The following NAV2 variants were observed in gnomAD, a reference collection of about 807,000 sequenced individuals.
NAV2 encodes helicase, APC down-regulated 1.
A neutral mutation model predicts 223.2 loss-of-function variants in NAV2; 54 were observed. The ratio of observed to expected loss-of-function variants is 0.24; its 90% CI spans 0.19 to 0.30. NAV2 has a LOEUF of 0.30. Ranked by LOEUF, NAV2 falls within the 10% of genes least tolerant of loss-of-function variation. The probability of loss-of-function intolerance (pLI) is 1.00; values close to 1 mark genes in which losing one functional copy is unlikely to be tolerated. For missense variants in NAV2, 2,806 were observed against 3,147.5 expected, an observed-to-expected ratio of 0.89 and a Z score of 2.60; for synonymous variants, 1,279 against 1,239.3, an observed-to-expected ratio of 1.03 and a Z score of -0.67.
chr11:19,483,593 G>A lies in NAV2; in HGVS notation c.75+132566G>A, dbSNP rs990645521. ...GATATGCTGAGGTTGCTAAGAAGGA[G>A]GAAATTGTGAAGAAGGAAAAAAATG... On this transcript the variant is annotated intron_variant, in intron 1 of 37. Coordinates refer to the NAV2 transcript ENST00000360655. Among the ~76,000 whole-genome samples the A allele has an allele frequency of 2.0e-5, 3 of 152,288 alleles. No individual in the cohort carries two copies. The South Asian group carries it at 6.2e-4, about 32-fold the overall frequency.
chr11:19,517,056 A>AT (rs926774657), intron 1 of NAV2, among the ~76,000 whole-genome samples: 5 of 152,050 alleles, frequency 3.3e-5, no homozygotes, highest in Non-Finnish European at 5.9e-5. Flanking sequence ...CAAAAAAAAA[A>AT]AATAATAATA....
chr11:19,368,432 C>T lies in NAV2; in HGVS notation c.75+17405C>T, dbSNP rs751862953. 2.0e-5 allele frequency among the ~76,000 whole-genome samples: 3 copies of T among 152,224 alleles called. No individual in the cohort carries two copies. The South Asian group carries it at 6.2e-4, about 32-fold the overall frequency. On this transcript the variant is annotated intron_variant, in intron 1 of 37. Transcript: ENST00000360655. Reference sequence around the variant, plus strand: ...AAGGGGCCAAGCTTCTTCCCATCTACTGCAGCAGGACTGTATAAGAAGAAA... The same window carrying T: ...AAGGGGCCAAGCTTCTTCCCATCTATTGCAGCAGGACTGTATAAGAAGAAA...
chr11:19,459,535 G>A (rs538562859), intron 1 of NAV2, among the ~76,000 whole-genome samples: 88 of 152,330 alleles, frequency 5.8e-4, no homozygotes, highest in Middle Eastern at 3.4e-3. Flanking sequence ...GGTAGAATGA[G>A]TGGAGGACAG....
At chr11:20,038,041 C>T (rs533228617) in intron 12 of NAV2, among the ~76,000 whole-genome samples, 1 of 152,266 alleles carries the variant, frequency 6.6e-6, no homozygotes, top group East Asian at 1.9e-4. Flanking sequence ...GAAGCTTGCT[C>T]CTGAGATGCA....
chr11:19,893,077 A>T (rs531746440), intron 6 of NAV2, among the ~76,000 whole-genome samples: 1 of 152,224 alleles, frequency 6.6e-6, no homozygotes, highest in East Asian at 1.9e-4. Context: ...TTGGCTACAT[A>T]TAAGGAGTGG....
At position 19,363,688 on chromosome 11, in the gene NAV2, T is replaced by C. The variant is rs531827983; in HGVS notation, c.75+12661T>C. ...GCATCAGAGCCCACAGGTTAAGGGC[T>C]CAGACCCACAAGACCGCCCCAATTT... On this transcript the variant is annotated intron_variant, in intron 1 of 37. Coordinates refer to the NAV2 transcript ENST00000360655. Among the ~76,000 whole-genome samples, 4 of 152,314 alleles carry C rather than the reference T, an allele frequency of 2.6e-5. No individual in the cohort carries two copies. In the South Asian group the frequency reaches 8.3e-4, roughly 32 times the overall value.
At chr11:20,028,388 T>A (rs1005904660) in intron 11 of NAV2, among the ~76,000 whole-genome samples, 46 of 152,194 alleles carry the variant, frequency 3.0e-4, no homozygotes, top group African/African-American at 1.1e-3. Context: ...TCCCTTCACA[T>A]CTGTATTTCT....
At chr11:19,484,223 T>C (rs2042371972) in intron 1 of NAV2, among the ~76,000 whole-genome samples, 1 of 152,108 alleles carries the variant, frequency 6.6e-6, no homozygotes. Flanking sequence ...CCTGGCTCTT[T>C]CTTCTGCACT....
intron 1 of NAV2, among the ~76,000 whole-genome samples, chr11:19,605,480 T>A (rs2046451287): frequency 6.6e-6 from 1 of 150,982 alleles, no homozygotes; most frequent in Non-Finnish European, 1.5e-5. Context: ...AGGAAAATAA[T>A]GGCTTAGTGG....
chr11:20,085,344 G>A (rs780174752), intron 26 of NAV2, among the ~76,000 whole-genome samples: 2 of 152,148 alleles, frequency 1.3e-5, no homozygotes, highest in South Asian at 4.1e-4. Flanking sequence ...ACAACACAAA[G>A]TTCCTACTCA....
At chr11:19,381,658 G>T (rs1848841248) in intron 1 of NAV2, among the ~76,000 whole-genome samples, 1 of 152,210 alleles carries the variant, frequency 6.6e-6, no homozygotes, top group South Asian at 2.1e-4. Context: ...AAGCGAGCTG[G>T]TGTCCTGGGA....
chr11:20,098,315 A>C (rs2061416838), intron 31 of NAV2, among the ~76,000 whole-genome samples: 1 of 152,220 alleles, frequency 6.6e-6, no homozygotes, highest in African/African-American at 2.4e-5. Context: ...CTACATCGTT[A>C]TCCCCATTTG....
intron 1 of NAV2, among the ~76,000 whole-genome samples, chr11:19,384,445 A>G (rs1011067582): frequency 6.6e-6 from 1 of 152,220 alleles, no homozygotes; most frequent in Non-Finnish European, 1.5e-5. Flanking sequence ...TGTGAGAAAC[A>G]AAGACAAATG....
rs755077044 is a variant in NAV2 at position 19,892,513 on chromosome 11, C to T, written c.850C>T (p.Arg284Ter). The change falls in exon 6 of 38, where the codon CGA becomes TGA. Residue 284 changes from arginine to a stop codon, truncating the protein, a stop_gained. Transcript: ENST00000349880. LOFTEE classifies it high-confidence loss of function. ...TRGGSTTANN[R>*]RSQSFNNYDK... Reference sequence around the variant, plus strand: ...CGGAGGGTCAACTACTGCTAACAACCGACGCAGCCAGAGCTTTAACAACTA... The same window carrying T: ...CGGAGGGTCAACTACTGCTAACAACTGACGCAGCCAGAGCTTTAACAACTA... 5 of 1,614,196 alleles carry T rather than the reference C, an allele frequency of 3.1e-6. No individual in the cohort carries two copies. The highest frequency in any genetic ancestry group is 3.4e-6 in the Non-Finnish European group (4 of 1,180,030).
intron 1 of NAV2, among the ~76,000 whole-genome samples, chr11:19,753,674 C>G (rs150871376): frequency 6.6e-6 from 1 of 152,362 alleles, no homozygotes; most frequent in East Asian, 1.9e-4. Context: ...GTCCCCTGCT[C>G]CCAGTAGCCC....
At position 20,036,084 on chromosome 11, in the gene NAV2, A is replaced by T. The variant is rs1179143199; in HGVS notation, c.2894A>T (p.Asn965Ile). 1.2e-6 allele frequency: 2 copies of T among 1,614,020 alleles called. No homozygotes were observed. Among genetic ancestry groups the T allele is most frequent in the Non-Finnish European group, 1.7e-6 (2 of 1,179,978 alleles). The part of the protein sequence containing the change: ...YANTPASSRK[N>I]LDVQTDAEKH... ...AACACACCTGCCTCCTCTCGAAAAAACCTGGATGTGCAGGTGAGGAACACA... is the reference window on the plus strand; with the variant it reads ...AACACACCTGCCTCCTCTCGAAAAATCCTGGATGTGCAGGTGAGGAACACA... The change falls in exon 12 of 38, where the codon AAC becomes ATC. Residue 965 changes from asparagine (N) to isoleucine (I), a missense_variant. Coordinates refer to ENST00000349880, the MANE Select transcript of NAV2 (RefSeq NM_145117.5).
chr11:19,516,006 A>C (rs1590381894), intron 1 of NAV2, among the ~76,000 whole-genome samples: 2 of 151,578 alleles, frequency 1.3e-5, no homozygotes, highest in South Asian at 4.1e-4. Context: ...TTTGGTTTTA[A>C]AGTGTTACTG....
At chr11:19,806,754 T>G (rs1012500954) in intron 1 of NAV2, among the ~76,000 whole-genome samples, 2 of 152,234 alleles carry the variant, frequency 1.3e-5, no homozygotes, top group Non-Finnish European at 2.9e-5. Flanking sequence ...CCCTCCTTTT[T>G]GGGGAACACT....
intron 4 of NAV2, among the ~76,000 whole-genome samples, chr11:19,877,726 C>G (rs1429688624): frequency 6.6e-6 from 1 of 152,054 alleles, no homozygotes; most frequent in Non-Finnish European, 1.5e-5. Context: ...CCCACCTCGG[C>G]CTCCCAAAGT....
Sources: gnomAD v4.1 joint callset for allele counts (sites outside exome capture counted in the v4.1 genomes callset) on GRCh38, gnomAD v4.1.1 for gene constraint, MANE v1.5 for transcripts, NCBI Gene and HGNC (gene_info 2026-07-23, HGNC 2026-07-21) for gene names.